The following LRBA variants were observed in gnomAD, a reference collection of about 807,000 sequenced individuals.
LRBA encodes LPS responsive beige-like anchor protein.
Under a neutral mutation model 330.0 loss-of-function variants are expected in LRBA, and 176 were observed. The ratio of observed to expected loss-of-function variants is 0.53; its 90% confidence interval spans 0.47 to 0.60. LRBA has a LOEUF of 0.60. LRBA is among the 20% of genes least tolerant of loss of function. The pLI, the probability that LRBA is intolerant of heterozygous loss-of-function variation, is 0.00. For synonymous variants in LRBA, 1,230 were observed against 1,193.0 expected (o/e 1.03, Z -0.64); for missense variants, 3,259 against 3,444.8 (o/e 0.95, Z 1.35).
At chr4:150,490,716 A>G (rs549024134) in intron 41 of LRBA, among the ~76,000 whole-genome samples, 2 of 152,062 alleles carry the variant, frequency 1.3e-5, no homozygotes, top group African/African-American at 4.8e-5. Flanking sequence ...GGCAAAAAAA[A>G]GAAAAGAATT....
At chr4:150,502,709 G>A (rs1300682584) in intron 40 of LRBA, among the ~76,000 whole-genome samples, 1 of 152,202 alleles carries the variant, frequency 6.6e-6, no homozygotes, top group Non-Finnish European at 1.5e-5. Flanking sequence ...GTGGGTGCAG[G>A]ACAGTGGGTG....
intron 40 of LRBA, among the ~76,000 whole-genome samples, chr4:150,565,390 C>A (rs751040632): frequency 1.3e-5 from 2 of 152,008 alleles, no homozygotes; most frequent in Non-Finnish European, 2.9e-5. Flanking sequence ...ATACCTAATG[C>A]ATGTGGGGCT....
chr4:150,649,937 T>C (rs1779554713), intron 37 of LRBA, among the ~76,000 whole-genome samples: 1 of 152,156 alleles, frequency 6.6e-6, no homozygotes, highest in Non-Finnish European at 1.5e-5. Context: ...ATAAAAAATA[T>C]TTAAGAAAAG....
intron 42 of LRBA, among the ~76,000 whole-genome samples, chr4:150,476,407 A>G (rs1215852955): frequency 2.0e-5 from 3 of 152,164 alleles, no homozygotes; most frequent in African/African-American, 7.2e-5. Context: ...ACATGGCAGA[A>G]TGTGTGAGGA....
chr4:150,908,182 G>T, intron 11 of LRBA, 152 bp downstream of exon 11: 1 of 646,656 alleles, frequency 1.5e-6, no homozygotes, highest in Non-Finnish European at 2.5e-6. Context: ...AGTTAATACT[G>T]ACATAATTAA....
intron 47 of LRBA, among the ~76,000 whole-genome samples, chr4:150,403,082 G>T (rs1323554078): frequency 1.3e-5 from 2 of 152,190 alleles, no homozygotes; most frequent in Admixed American, 1.3e-4. Flanking sequence ...GGGTAACCCT[G>T]TGCAGAGTTG....
At chr4:150,811,427 GA>G (rs11331003) in intron 31 of LRBA, among the ~76,000 whole-genome samples, 103,261 of 146,132 alleles carry the variant, frequency 0.71, 40,806 homozygotes, top group Non-Finnish European at 0.9. Context: ...GAGGCTTTAG[GA>G]AAAAAAAAAA....
In LRBA at chr4:150,282,510, G is replaced by A. The variant is rs773001726; in HGVS notation, c.8256C>T (p.Phe2752=). 6 of 1,614,152 alleles carry A rather than the reference G, an allele frequency of 3.7e-6. No individual in the cohort carries two copies. In the Admixed American group the frequency reaches 8.3e-5, roughly 22 times the overall value. The change falls in exon 55 of 57, where the codon TTC becomes TTT. Residue 2752 remains phenylalanine, a synonymous_variant. Coordinates refer to ENST00000651943, the MANE Select transcript of LRBA (RefSeq NM_001364905.1). ...HCVIFYENGL[F]CTFSVNGKLQ... is the part of the protein sequence containing the mutation. Reference sequence around the variant, plus strand: ...GTTTTCCATTCACACTGAATGTACAGAAGAGGCCGTTTTCATAGAATATGA... The same window carrying A: ...GTTTTCCATTCACACTGAATGTACAAAAGAGGCCGTTTTCATAGAATATGA...
rs185024054 is a variant in LRBA, at chr4:150,465,925, G to C, written c.6780+1748C>G. Among the ~76,000 whole-genome samples the C allele has an allele frequency of 2.3e-3, 345 of 152,078 alleles. 7 individuals are homozygous for C. Among genetic ancestry groups the C allele is most frequent in the Non-Finnish European group, 6.8e-4 (46 of 67,976 alleles). The stretch of plus-strand genomic sequence containing the variant: ...ATGATTTTGCTTAATAGGGAACACA[G>C]AGAAGAAAATGTTAAAATTATAATA... On this transcript the variant is annotated intron_variant, in intron 44 of 56. Coordinates refer to ENST00000651943, the MANE Select transcript of LRBA (RefSeq NM_001364905.1).
chr4:150,895,977 A>G (rs1360433022), intron 16 of LRBA, among the ~76,000 whole-genome samples: 4 of 152,294 alleles, frequency 2.6e-5, no homozygotes, highest in African/African-American at 9.6e-5. Context: ...CAAACACATA[A>G]TTTTAAATAC....
At chr4:150,669,831 G>A (rs562200533) in intron 37 of LRBA, among the ~76,000 whole-genome samples, 2 of 152,244 alleles carry the variant, frequency 1.3e-5, no homozygotes, top group East Asian at 3.9e-4. Context: ...CTCCCGAAGT[G>A]CTAGGATTAT....
At chr4:150,964,221 C>T (rs923249318) in intron 2 of LRBA, among the ~76,000 whole-genome samples, 1 of 148,380 alleles carries the variant, frequency 6.7e-6, no homozygotes, top group African/African-American at 2.6e-5. Flanking sequence ...CCCCTCTGCC[C>T]GGCCGCCACC....
At chr4:150,301,582 T>C (rs1236184252) in intron 53 of LRBA, among the ~76,000 whole-genome samples, 1 of 149,094 alleles carries the variant, frequency 6.7e-6, no homozygotes, top group Non-Finnish European at 1.5e-5. Context: ...ATACTAGCAT[T>C]TGACTAAATG....
chr4:150,301,514 A>C (rs1729672723), intron 53 of LRBA, among the ~76,000 whole-genome samples: 1 of 152,098 alleles, frequency 6.6e-6, no homozygotes, highest in Admixed American at 6.5e-5. Flanking sequence ...CAAAGTCTAT[A>C]ATGTACATAA....
At chr4:150,707,711 A>G (rs1785769829) in intron 36 of LRBA, among the ~76,000 whole-genome samples, 1 of 151,692 alleles carries the variant, frequency 6.6e-6, no homozygotes, top group South Asian at 2.1e-4. Flanking sequence ...CATTCTAGCA[A>G]AAAAGTCTGG....
chr4:150,525,618 C>T (rs1367469060), intron 40 of LRBA, among the ~76,000 whole-genome samples: 1 of 152,138 alleles, frequency 6.6e-6, no homozygotes, highest in African/African-American at 2.4e-5. Context: ...ACAATATCAT[C>T]AAAGTATCAT....
intron 35 of LRBA, 65 bp downstream of exon 35, chr4:150,761,718 T>G (rs566209566): frequency 2.1e-6 from 2 of 973,004 alleles, no homozygotes; most frequent in Non-Finnish European, 3.1e-6. Context: ...AAAATATCAA[T>G]GCCTATAGGA....
At chr4:150,571,881 T>A (rs897083089) in intron 40 of LRBA, among the ~76,000 whole-genome samples, 6 of 151,736 alleles carry the variant, frequency 4.0e-5, no homozygotes, top group Non-Finnish European at 8.8e-5. Context: ...TTTTTTTTTT[T>A]AATGTAAGCA....
intron 48 of LRBA, among the ~76,000 whole-genome samples, chr4:150,341,775 A>G (rs190531036): frequency 9.6e-4 from 145 of 151,470 alleles, no homozygotes; most frequent in Non-Finnish European, 1.4e-3. Flanking sequence ...TTAAAAAAAT[A>G]TATTTCTTAC....
Sources: allele counts gnomAD v4.1 joint callset (sites outside exome capture counted in the v4.1 genomes callset), GRCh38; gene constraint gnomAD v4.1.1; transcripts MANE v1.5; gene names NCBI Gene and HGNC (gene_info 2026-07-23, HGNC 2026-07-21).